The following STAG2 variants were observed in gnomAD, a reference collection of about 807,000 sequenced individuals.
The protein encoded by STAG2 is cohesin subunit SA-2.
STAG2 carries 14 observed loss-of-function variants against 108.1 expected under a neutral mutation model. That is an observed-to-expected ratio of 0.13 (90% CI 0.09 to 0.20). The LOEUF is 0.20. STAG2 is among the 10% of genes least tolerant of loss of function. The probability of loss-of-function intolerance (pLI) is 1.00; values close to 1 mark genes in which losing one functional copy is unlikely to be tolerated. For synonymous variants in STAG2, 307 were observed against 302.7 expected (o/e 1.01, Z -0.15); for missense variants, 440 against 940.9 (o/e 0.47, Z 6.96).
intron 23 of STAG2, among the ~76,000 whole-genome samples, chrX:124,066,922 T>C (rs1285834659): frequency 8.9e-6 from 1 of 111,999 alleles, no homozygotes; most frequent in Non-Finnish European, 1.9e-5. Flanking sequence ...TTACCCATAA[T>C]GATAATCCTT....
intron 1 of STAG2, among the ~76,000 whole-genome samples, chrX:124,016,246 C>A (rs1166343173): frequency 9.0e-6 from 1 of 110,601 alleles, no homozygotes; most frequent in Non-Finnish European, 1.9e-5. Context: ...CTCAAGCGAT[C>A]CTCCCACCTC....
chrX:124,026,111 C>T (rs1051522790), intron 4 of STAG2, among the ~76,000 whole-genome samples, 193 bp downstream of exon 4: 1 of 91,911 alleles, frequency 1.1e-5, no homozygotes, highest in Non-Finnish European at 2.1e-5. Flanking sequence ...GATCTATTTA[C>T]ACTGCTGTAA....
intron 1 of STAG2, among the ~76,000 whole-genome samples, chrX:123,989,212 T>G (rs931125194): frequency 1.9e-5 from 2 of 107,226 alleles, no homozygotes; most frequent in African/African-American, 6.5e-5. Context: ...GGAATAATTT[T>G]ATTAATAATT....
intron 13 of STAG2, 65 bp downstream of exon 13, chrX:124,051,459 T>A (rs1439105320): frequency 9.7e-6 from 9 of 927,071 alleles, no homozygotes; most frequent in Non-Finnish European, 1.3e-5. Context: ...ATTAGAGTAT[T>A]TGGTTCAGAC....
At chrX:124,041,422 G>A (rs1383487277) in intron 6 of STAG2, among the ~76,000 whole-genome samples, 1 of 109,199 alleles carries the variant, frequency 9.2e-6, no homozygotes, top group African/African-American at 3.3e-5. Flanking sequence ...TATATACACA[G>A]GCGCGCGCAC....
At chrX:124,067,879 A>G (rs1442468497) in intron 23 of STAG2, among the ~76,000 whole-genome samples, 1 of 110,807 alleles carries the variant, frequency 9.0e-6, no homozygotes, top group Non-Finnish European at 1.9e-5. Context: ...TAAAAATACA[A>G]AAATTAGCCA....
At chrX:124,041,233 T>A (rs1383300682) in intron 6 of STAG2, among the ~76,000 whole-genome samples, 1 of 106,983 alleles carries the variant, frequency 9.3e-6, no homozygotes, top group African/African-American at 3.5e-5. Context: ...TTTTTTTTTT[T>A]AAGTTGCGGT....
chrX:123,979,665 A>G (rs928085742), intron 1 of STAG2, among the ~76,000 whole-genome samples: 2 of 111,252 alleles, frequency 1.8e-5, no homozygotes, highest in Non-Finnish European at 1.9e-5. Context: ...GGAGGAGTAT[A>G]TGCCTTCAGC....
At chrX:124,031,479 C>T (rs2057331553) in intron 5 of STAG2, among the ~76,000 whole-genome samples, 1 of 109,142 alleles carries the variant, frequency 9.2e-6, no homozygotes, top group Non-Finnish European at 1.9e-5. Flanking sequence ...CCTGCCTCAG[C>T]CTCCCAAGTA....
At chrX:124,070,724 A>T (rs1156454658) in intron 24 of STAG2, among the ~76,000 whole-genome samples, 3 of 111,431 alleles carry the variant, frequency 2.7e-5, no homozygotes, top group Non-Finnish European at 5.7e-5. Flanking sequence ...TCTTCTGTAG[A>T]GTGAAGAGTG....
At position 124,082,993 on chromosome X, in the gene STAG2, A is replaced by G. The variant is rs112912555; in HGVS notation, c.2925-428A>G. Among the ~76,000 whole-genome samples the G allele has an allele frequency of 5.1e-3, 565 of 110,280 alleles. 2 individuals carry two copies. Among genetic ancestry groups the G allele is most frequent in the African/African-American group, 0.017 (530 of 30,373 alleles). Reference sequence around the variant, plus strand: ...TGGGCCTTAGATGGGGTTTAATTTTACTCTTGAATTGTTTATTACAAATGT... The same window carrying G: ...TGGGCCTTAGATGGGGTTTAATTTTGCTCTTGAATTGTTTATTACAAATGT... On this transcript the variant is annotated intron_variant, in intron 28 of 34. Coordinates refer to ENST00000371145, the MANE Select transcript of STAG2 (RefSeq NM_001042750.2).
intron 3 of STAG2, among the ~76,000 whole-genome samples, chrX:124,023,847 C>T (rs1281668889): frequency 1.8e-5 from 2 of 111,196 alleles, no homozygotes; most frequent in Non-Finnish European, 3.8e-5. Flanking sequence ...TGATGTTGTT[C>T]GGGTGGAACA....
At chrX:124,032,086 T>C (rs111641669) in intron 5 of STAG2, among the ~76,000 whole-genome samples, 4 of 112,107 alleles carry the variant, frequency 3.6e-5, no homozygotes, top group African/African-American at 1.3e-4. Flanking sequence ...GTCAAAAATA[T>C]GCTGATGTAA....
chrX:124,029,007 A>T (rs185076490), intron 4 of STAG2, among the ~76,000 whole-genome samples: 3,480 of 96,536 alleles, frequency 0.036, 144 homozygotes, highest in Admixed American at 0.091. Flanking sequence ...ATATATATAT[A>T]TATATATTTA....
chrX:123,983,974 C>CTTTTTTTTTTTTTTTTTTTT lies in STAG2; in HGVS notation c.-163+22120_-163+22139dup. Among the ~76,000 whole-genome samples the CTTTTTTTTTTTTTTTTTTTT allele has an allele frequency of 2.0e-3, 122 of 61,445 alleles. 5 individuals are homozygous for CTTTTTTTTTTTTTTTTTTTT. Among genetic ancestry groups the CTTTTTTTTTTTTTTTTTTTT allele is most frequent in the East Asian group, 7.5e-3 (14 of 1,872 alleles). The allele number at this position is 61,445 out of a possible 115,157, so 53.4% of individuals were successfully genotyped here. On this transcript the variant is annotated intron_variant, in intron 1 of 34. Transcript: ENST00000371145. The stretch of plus-strand genomic sequence containing the variant: ...AAAAAGAATAATTTTCTTTTCTTTT[C>CTTTTTTTTTTTTTTTTTTTT]TTTTTTTTTTTTTTTTTTTTTGAGA...
At chrX:124,002,012 C>G in intron 1 of STAG2, among the ~76,000 whole-genome samples, 1 of 111,888 alleles carries the variant, frequency 8.9e-6, no homozygotes, top group Non-Finnish European at 1.9e-5. Flanking sequence ...TCGCTTGAGG[C>G]TAGGAGTTTG....
intron 1 of STAG2, among the ~76,000 whole-genome samples, chrX:124,013,837 T>A (rs1260466036): frequency 9.0e-6 from 1 of 111,185 alleles, no homozygotes; most frequent in African/African-American, 3.3e-5. Context: ...TTTGGGTGAT[T>A]CAGGTACAGG....
At chrX:123,963,961 T>C (rs1048678670) in intron 1 of STAG2, among the ~76,000 whole-genome samples, 3 of 111,564 alleles carry the variant, frequency 2.7e-5, no homozygotes, top group African/African-American at 9.8e-5. Flanking sequence ...TTGAAGATAA[T>C]AATGAGAGGA....
chrX:124,093,385 T>C (rs1355808085), intron 32 of STAG2, among the ~76,000 whole-genome samples: 1 of 110,497 alleles, frequency 9.1e-6, no homozygotes, highest in Non-Finnish European at 1.9e-5. Context: ...ATTTATCACA[T>C]TTTGTCATAA....
Sources: allele counts gnomAD v4.1 joint callset (sites outside exome capture counted in the v4.1 genomes callset), GRCh38; gene constraint gnomAD v4.1.1; transcripts MANE v1.5; gene names NCBI Gene and HGNC (gene_info 2026-07-23, HGNC 2026-07-21).